Variants in ALDH9A1 observed in about 807,000 individuals in gnomAD.
ALDH9A1 encodes the protein aldehyde dehydrogenase 9 family member A1.
ALDH9A1 carries 42 observed loss-of-function variants against 56.6 expected under a neutral mutation model. The ratio of observed to expected loss-of-function variants is 0.74; its 90% confidence interval spans 0.58 to 0.96. The LOEUF is 0.96. ALDH9A1 is among the 40% of genes least tolerant of loss of function. The pLI is 0.00. For synonymous variants in ALDH9A1, 242 were observed against 236.0 expected (o/e 1.03, Z -0.23); for missense variants, 661 against 651.5 (o/e 1.01, Z -0.16).
intron 6 of ALDH9A1, 76 bp from the exon 7 acceptor site, chr1:165,669,526 T>C (rs1649112031): frequency 1.6e-6 from 2 of 1,290,258 alleles, no homozygotes; most frequent in Admixed American, 5.4e-5. Context: ...GAACACAATC[T>C]AAAAACTTTA....
intron 8 of ALDH9A1, among the ~76,000 whole-genome samples, chr1:165,668,175 T>C (rs559024282): frequency 6.6e-6 from 1 of 152,218 alleles, no homozygotes; most frequent in Admixed American, 6.5e-5. Context: ...ACTGGTTTTA[T>C]TATATTGATG....
At chr1:165,686,567 C>G (rs1452080768) in intron 2 of ALDH9A1, among the ~76,000 whole-genome samples, 1 of 150,454 alleles carries the variant, frequency 6.6e-6, no homozygotes, top group East Asian at 1.9e-4. Flanking sequence ...AGTTCATGTT[C>G]CCACCAGCCA....
Position 165,683,047 on chromosome 1 carries a change from G to T in ALDH9A1, c.391C>A (p.Arg131Ser). 1.9e-6 allele frequency: 3 copies of T among 1,613,988 alleles called. No individual in the cohort carries two copies. Among genetic ancestry groups the T allele is most frequent in the Non-Finnish European group, 2.5e-6 (3 of 1,179,960 alleles). ...TGCCAGGAAATGTCAATGTCCAAGC[G>T]GGCCTCAAAGATGGACTTGCCATTG... ...INNGKSIFEA[R>S]LDIDISWQCL... The change falls in exon 3 of 11, where the codon CGC (arginine) becomes AGC (serine). Residue 131 changes from arginine (R) to serine (S), a missense_variant. Coordinates refer to ENST00000354775, the MANE Select transcript of ALDH9A1 (RefSeq NM_000696.4).
At chr1:165,679,634 T>G in intron 5 of ALDH9A1, 52 bp from the exon 6 acceptor site, 2 of 1,602,052 alleles carry the variant, frequency 1.2e-6, no homozygotes, top group Non-Finnish European at 1.7e-6. Flanking sequence ...TTATATTGCA[T>G]GCTAAGTCAA....
At chr1:165,693,893 G>T (rs1649977965) in intron 2 of ALDH9A1, among the ~76,000 whole-genome samples, 1 of 152,056 alleles carries the variant, frequency 6.6e-6, no homozygotes, top group African/African-American at 2.4e-5. Flanking sequence ...CCATTAAAAA[G>T]GATGAGTTCA....
At chr1:165,682,347 C>T (rs767625590) in intron 3 of ALDH9A1, 106 bp from the exon 4 acceptor site, 141 of 1,256,910 alleles carry the variant, frequency 1.1e-4, no homozygotes, top group Non-Finnish European at 1.5e-4. Context: ...AGCCTCCCCA[C>T]TTCTCCCAAT....
At chr1:165,691,739 G>A (rs1009745281) in intron 2 of ALDH9A1, among the ~76,000 whole-genome samples, 1 of 152,138 alleles carries the variant, frequency 6.6e-6, no homozygotes, top group African/African-American at 2.4e-5. Context: ...TATGAGGCCA[G>A]CATCAGCCTG....
chr1:165,675,827 A>T (rs1303354103), intron 6 of ALDH9A1, among the ~76,000 whole-genome samples: 2 of 152,176 alleles, frequency 1.3e-5, no homozygotes, highest in Non-Finnish European at 2.9e-5. Context: ...TTCTGACTAT[A>T]CTCTCACGCT....
intron 2 of ALDH9A1, among the ~76,000 whole-genome samples, chr1:165,686,867 C>T (rs7546215): frequency 0.3 from 46,039 of 151,890 alleles, 7,220 homozygotes; most frequent in South Asian, 0.48. Flanking sequence ...AACCAGGAAG[C>T]GAAACTAACC....
chr1:165,672,126 G>C (rs1271263493), intron 6 of ALDH9A1, among the ~76,000 whole-genome samples: 1 of 152,118 alleles, frequency 6.6e-6, no homozygotes, highest in Non-Finnish European at 1.5e-5. Context: ...ATACCCAAAA[G>C]AACTGAAAGC....
At chr1:165,679,044 C>T (rs1649458670) in intron 6 of ALDH9A1, among the ~76,000 whole-genome samples, 2 of 152,118 alleles carry the variant, frequency 1.3e-5, no homozygotes, top group South Asian at 4.1e-4. Flanking sequence ...TGAATAAGGG[C>T]TATAGATTGA....
rs189745059 is a variant in ALDH9A1, at chr1:165,680,631, T to C, written c.645A>G (p.Leu215=). 4 of 1,614,022 alleles carry C rather than the reference T, an allele frequency of 2.5e-6. No homozygotes were observed. The African/African-American group carries it at 5.3e-5, about 22-fold the overall frequency. ...PSPFTPVSAL[L]LAEIYSEAGV... The stretch of plus-strand genomic sequence containing the variant: ...CAGCCTCACTGTAGATTTCAGCCAG[T>C]AGCAATGCAGAAACAGGTGTAAAGG... Residue 215 remains leucine (L), a synonymous_variant, in exon 5 of 11, where the codon CTA becomes CTG. Transcript: ENST00000354775.
intron 1 of ALDH9A1, among the ~76,000 whole-genome samples, chr1:165,697,929 T>C (rs1650142762): frequency 6.6e-6 from 1 of 152,092 alleles, no homozygotes; most frequent in Non-Finnish European, 1.5e-5. Flanking sequence ...CCAGGGAGGC[T>C]GAGGCGGGAG....
chr1:165,671,576 C>A, intron 6 of ALDH9A1: 1 of 462,092 alleles, frequency 2.2e-6, no homozygotes, highest in Non-Finnish European at 4.2e-6. Flanking sequence ...TGTTCAAAAG[C>A]TTCTTGAGAG....
chr1:165,676,856 TCCTCTCCCCC>T, intron 6 of ALDH9A1: 1 of 278,374 alleles, frequency 3.6e-6, no homozygotes. Flanking sequence ...AAGTGTGGTG[TCCTCTCCCCC>T]AAAAAAATAT....
chr1:165,686,012 A>G (rs1478641924), intron 2 of ALDH9A1, among the ~76,000 whole-genome samples: 1 of 152,220 alleles, frequency 6.6e-6, no homozygotes, highest in Non-Finnish European at 1.5e-5. Context: ...ACAATCTGGT[A>G]TAAGTACCAA....
At chr1:165,698,127 G>A (rs1202198866) in intron 1 of ALDH9A1, 4 of 1,014,588 alleles carry the variant, frequency 3.9e-6, no homozygotes, top group Non-Finnish European at 5.2e-6. Flanking sequence ...ACTCTGTTCT[G>A]GCCCGGGTAA....
chr1:165,665,318 G>A, intron 9 of ALDH9A1, 188 bp from the exon 10 acceptor site: 1 of 538,186 alleles, frequency 1.9e-6, no homozygotes, highest in Non-Finnish European at 3.3e-6. Flanking sequence ...CCATGCACAT[G>A]GTATCTTTAA....
Position 165,669,279 on chromosome 1 carries a change from T to C in ALDH9A1, c.1102A>G (p.Lys368Glu). 1 of 1,605,350 alleles carries C rather than the reference T, an allele frequency of 6.2e-7. No homozygotes were observed. Among genetic ancestry groups the C allele is most frequent in the South Asian group, 1.1e-5 (1 of 89,208 alleles). Reference protein sequence around the residue: ...PHLERVLGFVKVAKEQGAKVL... With the variant: ...PHLERVLGFVEVAKEQGAKVL... ...TTTCTTACCTGCTCCTTTGCCACTTTGACAAACCCAAGGACTCGCTCCAGG... is the reference window on the plus strand; with the variant it reads ...TTTCTTACCTGCTCCTTTGCCACTTCGACAAACCCAAGGACTCGCTCCAGG... Residue 368 changes from lysine to glutamate, a missense_variant, in exon 7 of 11, where the codon AAA (lysine) becomes GAA (glutamate). Physicochemically the swap from Lys to Glu is moderately conservative, Grantham distance 56. Coordinates refer to ENST00000354775, the MANE Select transcript of ALDH9A1 (RefSeq NM_000696.4).
Sources: allele counts gnomAD v4.1 joint callset (sites outside exome capture counted in the v4.1 genomes callset), GRCh38; gene constraint gnomAD v4.1.1; transcripts MANE v1.5; gene names NCBI Gene and HGNC (gene_info 2026-07-23, HGNC 2026-07-21).